SLC25A13: variants seen among roughly 807,000 people sequenced by gnomAD.
SLC25A13 encodes the protein electrogenic aspartate/glutamate antiporter SLC25A13, mitochondrial.
In SLC25A13, 70 loss-of-function variants were observed where a neutral mutation model predicts 85.5. The ratio of observed to expected loss-of-function variants is 0.82; its 90% CI spans 0.68 to 1.00. SLC25A13 has a LOEUF of 1.00. Among genes scored for constraint, SLC25A13 ranks in the 50% least tolerant of loss-of-function variants. The pLI is 0.00. For synonymous variants in SLC25A13, 259 were observed against 288.7 expected (o/e 0.90, Z 1.04); for missense variants, 765 against 819.8 (o/e 0.93, Z 0.82).
At chr7:96,294,825 A>G (rs1258432625) in intron 2 of SLC25A13, among the ~76,000 whole-genome samples, 1 of 152,114 alleles carries the variant, frequency 6.6e-6, no homozygotes, top group East Asian at 1.9e-4. Context: ...GGTGTCCAGA[A>G]TCCTGATTTT....
intron 4 of SLC25A13, among the ~76,000 whole-genome samples, chr7:96,228,446 A>G (rs1796398660): frequency 6.6e-6 from 1 of 152,238 alleles, no homozygotes; most frequent in African/African-American, 2.4e-5. Flanking sequence ...ACACAGTGAG[A>G]TATCACTAAA....
At chr7:96,257,309 G>C (rs946847395) in intron 3 of SLC25A13, among the ~76,000 whole-genome samples, 14 of 151,904 alleles carry the variant, frequency 9.2e-5, no homozygotes, top group African/African-American at 3.4e-4. Context: ...CAAATAGATA[G>C]ACCACTAGCC....
At chr7:96,281,242 T>G (rs1426589246) in intron 2 of SLC25A13, among the ~76,000 whole-genome samples, 1 of 151,632 alleles carries the variant, frequency 6.6e-6, no homozygotes, top group Non-Finnish European at 1.5e-5. Context: ...AATACAAAAA[T>G]TACCCAGGCA....
chr7:96,173,148 A>T (rs1223283394), intron 11 of SLC25A13, among the ~76,000 whole-genome samples: 1 of 152,262 alleles, frequency 6.6e-6, no homozygotes, highest in Non-Finnish European at 1.5e-5. Context: ...GAAAACTAAA[A>T]AGATGAATAC....
intron 3 of SLC25A13, among the ~76,000 whole-genome samples, chr7:96,249,053 C>T (rs1364324064): frequency 6.6e-6 from 1 of 152,196 alleles, no homozygotes; most frequent in Non-Finnish European, 1.5e-5. Flanking sequence ...TGCCTCTGTT[C>T]TCAGCTGCTC....
intron 1 of SLC25A13, among the ~76,000 whole-genome samples, chr7:96,307,844 G>T (rs1276671535): frequency 6.6e-6 from 1 of 151,982 alleles, no homozygotes; most frequent in Non-Finnish European, 1.5e-5. Context: ...GCTTTGCAAT[G>T]GAACATTTAA....
At chr7:96,179,214 C>T (rs747477288) in intron 11 of SLC25A13, among the ~76,000 whole-genome samples, 2 of 152,204 alleles carry the variant, frequency 1.3e-5, no homozygotes, top group African/African-American at 2.4e-5. Flanking sequence ...CACCATAGTA[C>T]ATGAGAACGT....
intron 4 of SLC25A13, among the ~76,000 whole-genome samples, chr7:96,216,960 A>G (rs1409240272): frequency 6.6e-6 from 1 of 152,258 alleles, no homozygotes; most frequent in East Asian, 1.9e-4. Flanking sequence ...CCTATAGACT[A>G]GGAGAAAAAC....
intron 15 of SLC25A13, among the ~76,000 whole-genome samples, chr7:96,126,770 T>C (rs1214037820): frequency 1.3e-5 from 2 of 152,210 alleles, no homozygotes; most frequent in Non-Finnish European, 2.9e-5. Context: ...TAAAAATGCA[T>C]TTCCTGACAT....
chr7:96,193,743 G>A (rs767311347), intron 5 of SLC25A13, among the ~76,000 whole-genome samples: 52 of 152,148 alleles, frequency 3.4e-4, no homozygotes, highest in Non-Finnish European at 6.6e-4. Flanking sequence ...GGGCTGTCGT[G>A]TGTACCCCTA....
At chr7:96,271,761 T>C (rs1230943919) in intron 3 of SLC25A13, among the ~76,000 whole-genome samples, 1 of 152,174 alleles carries the variant, frequency 6.6e-6, no homozygotes, top group Non-Finnish European at 1.5e-5. Context: ...TGTAAGGCTG[T>C]ATTTTTGGAT....
chr7:96,193,626 C>T (rs1794945668), intron 5 of SLC25A13, among the ~76,000 whole-genome samples: 1 of 152,198 alleles, frequency 6.6e-6, no homozygotes, highest in South Asian at 2.1e-4. Flanking sequence ...CATGATGTAA[C>T]AATAGATAGA....
intron 14 of SLC25A13, 151 bp from the exon 15 acceptor site, chr7:96,132,032 A>C (rs1196873986): frequency 2.0e-6 from 2 of 998,088 alleles, no homozygotes; most frequent in Admixed American, 4.4e-5. Flanking sequence ...AAAATAACCC[A>C]AATTCTGCAA....
At chr7:96,148,673 G>T (rs1792901852) in intron 13 of SLC25A13, among the ~76,000 whole-genome samples, 1 of 152,208 alleles carries the variant, frequency 6.6e-6, no homozygotes. Context: ...CCTGAAGCCT[G>T]ATTTTTTGAA....
At chr7:96,209,008 C>T in intron 4 of SLC25A13, 31 bp from the exon 5 acceptor site, 1 of 1,611,052 alleles carries the variant, frequency 6.2e-7, no homozygotes, top group Non-Finnish European at 8.5e-7. Context: ...TTGATTAAAA[C>T]AAAGTAAATG....
At chr7:96,237,102 C>T (rs953588304) in intron 3 of SLC25A13, among the ~76,000 whole-genome samples, 9 of 152,298 alleles carry the variant, frequency 5.9e-5, no homozygotes, top group Non-Finnish European at 1.3e-4. Flanking sequence ...CACTGTTCAC[C>T]ACCTAAACTC....
chr7:96,121,216 G>A lies in SLC25A13; in HGVS notation c.2003C>T (p.Ser668Leu), dbSNP rs868731868. The A allele has an allele frequency of 1.9e-6, 3 of 1,614,036 alleles. No homozygotes were observed. The highest frequency in any genetic ancestry group is 2.5e-6 in the Non-Finnish European group (3 of 1,180,022). Residue 668 changes from serine (S) to leucine (L), a missense_variant, in exon 18 of 18, where the codon TCA becomes TTA. Ser to Leu is a moderately radical substitution (Grantham distance 145, BLOSUM62 -2). Coordinates refer to ENST00000265631, the MANE Select transcript of SLC25A13 (RefSeq NM_014251.3). ...CTATGGGCCTCCACCAATAGCCTTTGAGGTAGATACTGATGGCTTGAAGAG... is the reference window on the plus strand; with the variant it reads ...CTATGGGCCTCCACCAATAGCCTTTAAGGTAGATACTGATGGCTTGAAGAG... ...LPLFKPSVST[S>L]KAIGGGP is the part of the protein sequence containing the mutation.
intron 1 of SLC25A13, among the ~76,000 whole-genome samples, chr7:96,315,153 T>G (rs1292175896): frequency 6.6e-6 from 1 of 152,162 alleles, no homozygotes; most frequent in African/African-American, 2.4e-5. Flanking sequence ...CAGGCAGGAC[T>G]AAGACAAAGC....
At chr7:96,126,529 T>C (rs1472112189) in intron 15 of SLC25A13, among the ~76,000 whole-genome samples, 1 of 152,204 alleles carries the variant, frequency 6.6e-6, no homozygotes, top group African/African-American at 2.4e-5. Flanking sequence ...GAAGAAAGTA[T>C]AGTTGCCTAA....
Sources: allele counts gnomAD v4.1 joint callset (sites outside exome capture counted in the v4.1 genomes callset), GRCh38; gene constraint gnomAD v4.1.1; transcripts MANE v1.5; gene names NCBI Gene and HGNC (gene_info 2026-07-23, HGNC 2026-07-21).